PUS10: variants seen among roughly 807,000 people sequenced by gnomAD.
PUS10 encodes the protein tRNA pseudouridine synthase Pus10.
A neutral mutation model predicts 75.0 loss-of-function variants in PUS10; 59 were observed. The observed-to-expected ratio is 0.79, with a 90% CI of 0.64 to 0.98. PUS10 has a LOEUF of 0.98. PUS10 is among the 50% of genes least tolerant of loss of function. PUS10 has a pLI of 0.00. For synonymous variants in PUS10, 219 were observed against 211.6 expected, an observed-to-expected ratio of 1.03 and a Z score of -0.30; for missense variants, 650 against 614.4, an observed-to-expected ratio of 1.06 and a Z score of -0.61.
intron 4 of PUS10, among the ~76,000 whole-genome samples, chr2:60,976,647 G>A (rs1249301191): frequency 6.6e-6 from 1 of 152,222 alleles, no homozygotes; most frequent in Non-Finnish European, 1.5e-5. Flanking sequence ...CAAAGCCTCT[G>A]CAGGCTCCCT....
intron 4 of PUS10, among the ~76,000 whole-genome samples, chr2:60,986,998 G>A (rs1677764735): frequency 6.6e-6 from 1 of 152,154 alleles, no homozygotes; most frequent in African/African-American, 2.4e-5. Context: ...CAGGTCTTCT[G>A]ACTCTCTGTT....
At position 60,942,265 on chromosome 2, in the gene PUS10, A is replaced by G. The variant is rs1384794072; in HGVS notation, c.*130T>C. On this transcript the variant is annotated 3_prime_UTR_variant, in exon 18 of 18. Coordinates refer to ENST00000316752, the MANE Select transcript of PUS10 (RefSeq NM_144709.4). The stretch of plus-strand genomic sequence containing the variant: ...GATGTTACAACAAATTAACAATTAT[A>G]TAGATCAACATGATCCAAATAGTTT... 1 of 747,586 alleles carries G rather than the reference A, an allele frequency of 1.3e-6. No homozygotes were observed. The highest frequency in any genetic ancestry group is 2.4e-6 in the Non-Finnish European group (1 of 416,032). 46.3% of individuals were successfully genotyped at this position (747,586 alleles called of 1,614,324 possible). A position where few individuals can be genotyped will look rare whatever the true frequency, so the allele number is the denominator to read the frequency against.
intron 2 of PUS10, chr2:61,010,750 T>C: frequency 6.5e-7 from 1 of 1,547,358 alleles, no homozygotes; most frequent in South Asian, 1.2e-5. Flanking sequence ...GTGGTGGAAC[T>C]GGGATTCAAA....
intron 11 of PUS10, 112 bp downstream of exon 11, chr2:60,960,280 G>C (rs67927699): frequency 0.36 from 284,707 of 790,800 alleles, 54,605 homozygotes; most frequent in Middle Eastern, 0.45. Context: ...GGAAGTCAAG[G>C]CTGCCATAAG....
chr2:60,948,176 T>G lies in PUS10; in HGVS notation c.1318A>C (p.Ile440Leu). 1 of 1,614,046 alleles carries G rather than the reference T, an allele frequency of 6.2e-7. No individual in the cohort carries two copies. The highest frequency in any genetic ancestry group is 8.5e-7 in the Non-Finnish European group (1 of 1,179,962). The change falls in exon 16 of 18, where the codon ATC becomes CTC. Residue 440 changes from isoleucine (I) to leucine (L), a missense_variant. Physicochemically the swap from Ile to Leu is conservative, Grantham distance 5 (BLOSUM62 2). Transcript: ENST00000316752. Reference protein sequence around the residue: ...EFLNDIKDLKIDQKTPLRVLH... With the variant: ...EFLNDIKDLKLDQKTPLRVLH... ...ACGCGCAAAGGTGTTTTCTGGTCGA[T>G]TTTTAAGTCCTAGGGGAGAATATGA...
At chr2:60,972,191 C>T (rs1329008416) in intron 4 of PUS10, among the ~76,000 whole-genome samples, 117 of 140,148 alleles carry the variant, frequency 8.3e-4, no homozygotes, top group African/African-American at 2.9e-3. Flanking sequence ...GGGCCAGGCG[C>T]GCTGGCTCAC....
chr2:61,011,988 T>C (rs1320989509), intron 1 of PUS10, 83 bp from the exon 2 acceptor site: 1 of 1,095,760 alleles, frequency 9.1e-7, no homozygotes, highest in Non-Finnish European at 1.3e-6. Flanking sequence ...GGATAAAAAC[T>C]AGCTTTCATT....
intron 4 of PUS10, among the ~76,000 whole-genome samples, chr2:60,995,788 G>C (rs1397701088): frequency 1.3e-5 from 2 of 152,098 alleles, no homozygotes; most frequent in African/African-American, 4.8e-5. Flanking sequence ...GGCCAAATGT[G>C]ACAATTCACA....
At chr2:60,991,136 C>T (rs1351995519) in intron 4 of PUS10, among the ~76,000 whole-genome samples, 2 of 152,150 alleles carry the variant, frequency 1.3e-5, no homozygotes, top group Non-Finnish European at 2.9e-5. Flanking sequence ...GCCTCAGTCT[C>T]CTAAAATGCT....
At chr2:60,982,783 C>A (rs1040777619) in intron 4 of PUS10, among the ~76,000 whole-genome samples, 3 of 151,826 alleles carry the variant, frequency 2.0e-5, no homozygotes, top group African/African-American at 7.3e-5. Context: ...GATTTAATAC[C>A]TAAACCAAAT....
intron 1 of PUS10, among the ~76,000 whole-genome samples, chr2:61,013,283 A>G (rs1336165776): frequency 1.3e-5 from 2 of 148,600 alleles, no homozygotes; most frequent in African/African-American, 5.0e-5. Flanking sequence ...AAAAAAAAAG[A>G]TGAAGAAATG....
At chr2:60,945,479 T>A (rs76824244) in intron 16 of PUS10, among the ~76,000 whole-genome samples, 4 of 152,222 alleles carry the variant, frequency 2.6e-5, no homozygotes. Context: ...CCCATTTTTT[T>A]AATAATGGCA....
intron 4 of PUS10, among the ~76,000 whole-genome samples, chr2:61,000,609 T>C (rs925848387): frequency 2.6e-5 from 4 of 152,192 alleles, no homozygotes; most frequent in African/African-American, 9.7e-5. Context: ...ATCTTCAGAA[T>C]AAACATTACA....
At chr2:60,987,925 G>C (rs904963730) in intron 4 of PUS10, among the ~76,000 whole-genome samples, 3 of 135,164 alleles carry the variant, frequency 2.2e-5, no homozygotes, top group Non-Finnish European at 4.8e-5. Flanking sequence ...TCTGTCTCAA[G>C]AAAAAAAAAA....
At chr2:61,010,736 G>C (rs996612190) in intron 2 of PUS10, 8 of 1,541,380 alleles carry the variant, frequency 5.2e-6, no homozygotes, top group Non-Finnish European at 7.0e-6. Context: ...ACTGAAGCTG[G>C]AAAGTGGTGG....
chr2:60,955,089 T>C lies in PUS10; in HGVS notation c.1001-15A>G, dbSNP rs1397180869. ...AAAATTAAAACCTTTGAAAAGCAGA[T>C]AAAGAAAAAAAAATTAGAGACATCA... On this transcript the variant is annotated splice_polypyrimidine_tract_variant and intron_variant, in intron 11 of 17. Coordinates refer to ENST00000316752, the MANE Select transcript of PUS10 (RefSeq NM_144709.4). 2.6e-5 allele frequency: 41 copies of C among 1,547,740 alleles called. No homozygotes were observed. The highest frequency in any genetic ancestry group is 3.2e-5 in the Non-Finnish European group (37 of 1,140,204).
chr2:61,004,978 G>A (rs946788086), intron 4 of PUS10, among the ~76,000 whole-genome samples: 1 of 152,122 alleles, frequency 6.6e-6, no homozygotes. Context: ...CTTCTGGCCG[G>A]GCACAGTGAC....
intron 4 of PUS10, among the ~76,000 whole-genome samples, chr2:60,982,658 C>T (rs567766474): frequency 6.6e-6 from 1 of 152,228 alleles, no homozygotes; most frequent in South Asian, 2.1e-4. Flanking sequence ...AATTTAACAA[C>T]ATTTCAAGAA....
At chr2:60,961,636 C>T in intron 9 of PUS10, 88 bp from the exon 10 acceptor site, 1 of 1,113,448 alleles carries the variant, frequency 9.0e-7, no homozygotes, top group South Asian at 1.3e-5. Context: ...CTGAGACATA[C>T]ACAGAGCCCA....
Sources: gnomAD v4.1 joint callset for allele counts (sites outside exome capture counted in the v4.1 genomes callset) on GRCh38, gnomAD v4.1.1 for gene constraint, MANE v1.5 for transcripts, NCBI Gene and HGNC (gene_info 2026-07-23, HGNC 2026-07-21) for gene names.